The following LATS2 variants were observed in gnomAD, a reference collection of about 807,000 sequenced individuals.
LATS2 encodes large tumor suppressor kinase 2, also known as serine/threonine-protein kinase LATS2.
In LATS2, 24 loss-of-function variants were observed where a neutral mutation model predicts 76.0. The observed-to-expected ratio is 0.32, with a 90% CI of 0.23 to 0.44. LATS2 has a LOEUF of 0.44. Ranked by LOEUF, LATS2 falls within the 20% of genes least tolerant of loss-of-function variation. The probability of loss-of-function intolerance (pLI) is 1.00; values close to 1 mark genes in which losing one functional copy is unlikely to be tolerated. For missense variants in LATS2, 1,286 were observed against 1,481.2 expected (o/e 0.87, Z 2.16); for synonymous variants, 692 against 635.4 (o/e 1.09, Z -1.34).
chr13:20,998,245 A>G (rs918352542), intron 2 of LATS2, among the ~76,000 whole-genome samples: 4 of 152,052 alleles, frequency 2.6e-5, no homozygotes, highest in Non-Finnish European at 5.9e-5. Context: ...TTCCAGCTTC[A>G]TGGGAGGCTG....
At chr13:21,053,314 C>T (rs1873342050) in intron 1 of LATS2, among the ~76,000 whole-genome samples, 1 of 150,886 alleles carries the variant, frequency 6.6e-6, no homozygotes, top group Non-Finnish European at 1.5e-5. Flanking sequence ...CAGCCCAGAA[C>T]CCCTCCCACA....
At chr13:20,987,376 T>A (rs539362504) in intron 4 of LATS2, among the ~76,000 whole-genome samples, 17 of 152,340 alleles carry the variant, frequency 1.1e-4, no homozygotes, top group African/African-American at 3.8e-4. Context: ...CATCAATAAT[T>A]ACCTTCTTCA....
intron 2 of LATS2, among the ~76,000 whole-genome samples, chr13:21,013,979 AAAGAAGAAGAAAGAAG>A (rs1871697460): frequency 6.9e-6 from 1 of 144,554 alleles, no homozygotes; most frequent in African/African-American, 2.5e-5. Flanking sequence ...CTTGAAAACA[AAAGAAGAAGAAAGAAG>A]AAGAAGAAGA....
chr13:21,060,705 T>G (rs1292657344), intron 1 of LATS2, among the ~76,000 whole-genome samples: 1 of 151,314 alleles, frequency 6.6e-6, no homozygotes, highest in African/African-American at 2.4e-5. Context: ...CGGCCTCGAC[T>G]GCGGCACCGC....
chr13:21,051,448 G>T (rs1873272375), intron 1 of LATS2, among the ~76,000 whole-genome samples: 1 of 152,170 alleles, frequency 6.6e-6, no homozygotes, highest in South Asian at 2.1e-4. Context: ...GAGAAAAGTG[G>T]GTGCACTCAA....
intron 2 of LATS2, among the ~76,000 whole-genome samples, chr13:21,003,662 G>C (rs1408753243): frequency 6.6e-6 from 1 of 151,988 alleles, no homozygotes; most frequent in Non-Finnish European, 1.5e-5. Context: ...GGCTGGTCTT[G>C]ATCTCCTGAT....
chr13:20,975,442 C>T, intron 7 of LATS2, 78 bp from the exon 8 acceptor site: 2 of 1,413,214 alleles, frequency 1.4e-6, no homozygotes, highest in East Asian at 4.6e-5. Flanking sequence ...GATGACGTGA[C>T]TTTCAAATAT....
intron 2 of LATS2, among the ~76,000 whole-genome samples, chr13:20,994,757 G>A (rs1417943160): frequency 5.3e-5 from 8 of 151,648 alleles, no homozygotes; most frequent in Non-Finnish European, 8.8e-5. Context: ...TGTTGATGGC[G>A]CATGCCTGTA....
chr13:21,061,145 G>A (rs1025740532), intron 1 of LATS2, among the ~76,000 whole-genome samples: 1 of 151,580 alleles, frequency 6.6e-6, no homozygotes, highest in Non-Finnish European at 1.5e-5. Flanking sequence ...CGCCGGGCGG[G>A]GGCGGCTCCG....
rs1869536004 is a variant in LATS2, at chr13:20,975,081, G to A, written c.3056C>T (p.Thr1019Ile). 1 of 1,614,110 alleles carries A rather than the reference G, an allele frequency of 6.2e-7. No individual in the cohort carries two copies. The highest frequency in any genetic ancestry group is 1.7e-5 in the Admixed American group (1 of 60,006). ...CGAGGTGAGTGTGTCCCAGGCCTTGGTGCTACCTTCGCTGGCATCGTTCCA... is the reference window on the plus strand; with the variant it reads ...CGAGGTGAGTGTGTCCCAGGCCTTGATGCTACCTTCGCTGGCATCGTTCCA... ...SPWNDASEGS[T>I]KAWDTLTSPN... The change falls in exon 8 of 8, where the codon ACC becomes ATC. Residue 1019 changes from threonine to isoleucine, a missense_variant. Thr to Ile is a moderately conservative substitution (Grantham distance 89). This residue lies in a region of LATS2 where 210 missense variants were observed against 234.9 expected (regional missense o/e 0.89). Transcript: ENST00000382592.
chr13:20,979,128 T>G (rs1005875655), intron 7 of LATS2, among the ~76,000 whole-genome samples: 1 of 152,244 alleles, frequency 6.6e-6, no homozygotes, highest in Non-Finnish European at 1.5e-5. Context: ...TTTTCTGTTC[T>G]CTAGCTTGCT....
chr13:21,022,035 T>C (rs965813632), intron 2 of LATS2, among the ~76,000 whole-genome samples: 18 of 152,016 alleles, frequency 1.2e-4, no homozygotes, highest in East Asian at 1.9e-4. Flanking sequence ...CTGGGTGAAA[T>C]AGAAAGATGA....
intron 1 of LATS2, among the ~76,000 whole-genome samples, chr13:21,047,256 T>C (rs1873106615): frequency 6.6e-6 from 1 of 152,132 alleles, no homozygotes; most frequent in Admixed American, 6.6e-5. Context: ...TCCCTTCGCC[T>C]CCCTCAGCCC....
At chr13:20,989,893 C>A (rs547844574) in intron 3 of LATS2, among the ~76,000 whole-genome samples, 2 of 152,308 alleles carry the variant, frequency 1.3e-5, no homozygotes, top group South Asian at 4.1e-4. Context: ...CTACAAATAT[C>A]CAGATTGATT....
chr13:21,016,294 AT>A (rs991586365), intron 2 of LATS2, among the ~76,000 whole-genome samples: 2 of 145,556 alleles, frequency 1.4e-5, no homozygotes, highest in Admixed American at 6.9e-5. Context: ...GCCTATTTTT[AT>A]TTTTTTTGAG....
At chr13:21,050,127 G>GACAGATAGATAGATAGATAGAT (rs1873217822) in intron 1 of LATS2, among the ~76,000 whole-genome samples, 2 of 85,534 alleles carry the variant, frequency 2.3e-5, no homozygotes, top group Non-Finnish European at 4.3e-5. Context: ...CTCATAGACA[G>GACAGATAGATAGATAGATAGAT]ATAGATAGAT....
rs747647509 is a variant in LATS2 at position 20,988,665 on chromosome 13, G to A, written c.1115C>T (p.Ala372Val). ...LGSTSVQQWP[A>V]ATLARRDSLQ... ...GGAGTCCCGGCGGGCCAGGGTGGCAGCCGGCCACTGCTGGACGGAGGTGCT... is the reference window on the plus strand; with the variant it reads ...GGAGTCCCGGCGGGCCAGGGTGGCAACCGGCCACTGCTGGACGGAGGTGCT... The change falls in exon 4 of 8, where the codon GCT becomes GTT. Residue 372 changes from alanine to valine, a missense_variant. This residue lies in a region of LATS2 where 710 missense variants were observed against 660.9 expected (regional missense o/e 1.07). Transcript: ENST00000382592. 1.2e-5 allele frequency: 19 copies of A among 1,575,752 alleles called. No homozygotes were observed. The highest frequency in any genetic ancestry group is 1.7e-4 in the Middle Eastern group (1 of 5,964).
chr13:21,041,432 T>C (rs1345024467), intron 2 of LATS2, among the ~76,000 whole-genome samples: 1 of 152,192 alleles, frequency 6.6e-6, no homozygotes, highest in African/African-American at 2.4e-5. Context: ...TCAGTTTGTT[T>C]GTTTACATTT....
At chr13:21,012,218 A>C (rs1477917391) in intron 2 of LATS2, among the ~76,000 whole-genome samples, 2 of 152,196 alleles carry the variant, frequency 1.3e-5, no homozygotes, top group Non-Finnish European at 2.9e-5. Flanking sequence ...AAAAAAATGC[A>C]TATCTATATA....
Sources: allele counts gnomAD v4.1 joint callset (sites outside exome capture counted in the v4.1 genomes callset), GRCh38; gene constraint gnomAD v4.1.1; regional missense constraint gnomAD v4.1.1; transcripts MANE v1.5; gene names NCBI Gene and HGNC (gene_info 2026-07-23, HGNC 2026-07-21).